The following PRICKLE3 variants were observed in gnomAD, a reference collection of about 807,000 sequenced individuals.
PRICKLE3 encodes the protein prickle planar cell polarity protein 3, also known as LIM domain only protein 6.
Under a neutral mutation model 33.8 loss-of-function variants are expected in PRICKLE3, and 17 were observed. That is an observed-to-expected ratio of 0.50 (90% confidence interval 0.34 to 0.75). The LOEUF is 0.75. PRICKLE3 is among the 30% of genes least tolerant of loss of function. The probability of loss-of-function intolerance (pLI) is 0.01; values close to 1 mark genes in which losing one functional copy is unlikely to be tolerated. For missense variants in PRICKLE3, 573 were observed against 576.7 expected, an observed-to-expected ratio of 0.99 and a Z score of 0.07; for synonymous variants, 211 against 219.6, an observed-to-expected ratio of 0.96 and a Z score of 0.34.
chrX:49,184,648 A>G lies in PRICKLE3; in HGVS notation c.105T>C (p.Pro35=), dbSNP rs782702344. Residue 35 remains proline (P), a synonymous_variant, in exon 2 of 9, where the codon CCT becomes CCC. Coordinates refer to ENST00000599218, the MANE Select transcript of PRICKLE3 (RefSeq NM_006150.5). ...ACCTCCAGCCGTGGAGCAGGAAGCC[A>G]GGGCACTGCTCCCTACAGGAGTTGC... ...QPCNSCREQC[P]GFLLHGWRKI... 22 of 1,115,464 alleles carry G rather than the reference A, an allele frequency of 2.0e-5. No individual in the cohort carries two copies. The highest frequency in any genetic ancestry group is 3.5e-5 in the East Asian group (1 of 28,732). The allele number at this position is 1,115,464 out of a possible 1,213,427, so 91.9% of individuals were successfully genotyped here. A position where few individuals can be genotyped will look rare whatever the true frequency, so the allele number is the denominator to read the frequency against.
intron 1 of PRICKLE3, 58 bp downstream of exon 1, chrX:49,186,198 C>T (rs2065482206): frequency 1.8e-6 from 2 of 1,128,804 alleles, no homozygotes; most frequent in African/African-American, 3.7e-5. Flanking sequence ...ATCCATTGCC[C>T]CCTTGCCTGG....
Position 49,176,245 on chromosome X carries a change from A to G in PRICKLE3, c.1276T>C (p.Ser426Pro). 1 of 1,142,970 alleles carries G rather than the reference A, an allele frequency of 8.7e-7. No individual in the cohort carries two copies. Among genetic ancestry groups the G allele is most frequent in the Non-Finnish European group, 1.2e-6 (1 of 861,618 alleles). 94.2% of individuals were successfully genotyped at this position (1,142,970 alleles called of 1,213,427 possible). A position where few individuals can be genotyped will look rare whatever the true frequency, so the allele number is the denominator to read the frequency against. The stretch of plus-strand genomic sequence containing the variant: ...TGGGGAGCCCCTCTCAGAAAGCGGG[A>G]GGGCTCCTCAGGGCCTGTAGCTGTT... ...LAPATGPEEPSRFLRGAPHRH... is the reference protein window; with the variant it reads ...LAPATGPEEPPRFLRGAPHRH... Residue 426 changes from serine to proline, a missense_variant, in exon 9 of 9, where the codon TCC (serine) becomes CCC (proline). By Grantham distance (74) the Ser-to-Pro change is moderately conservative. Coordinates refer to ENST00000599218, the MANE Select transcript of PRICKLE3 (RefSeq NM_006150.5).
At chrX:49,182,094 T>C (rs1454213766) in intron 3 of PRICKLE3, among the ~76,000 whole-genome samples, 1 of 108,781 alleles carries the variant, frequency 9.2e-6, no homozygotes, top group Non-Finnish European at 1.9e-5. Flanking sequence ...TTACAGACAT[T>C]TGCCACCATG....
chrX:49,181,245 G>A (rs1181801882), intron 3 of PRICKLE3, among the ~76,000 whole-genome samples: 1 of 106,500 alleles, frequency 9.4e-6, no homozygotes, highest in Non-Finnish European at 1.9e-5. Flanking sequence ...ATGCGTGCCT[G>A]TAGTCCCAGC....
chrX:49,177,225 A>G, intron 7 of PRICKLE3, 23 bp from the exon 8 acceptor site: 2 of 1,121,945 alleles, frequency 1.8e-6, no homozygotes, highest in Non-Finnish European at 1.2e-6. Flanking sequence ...ACGAGGGGGA[A>G]AAACTGAGGC....
At position 49,177,033 on chromosome X, in the gene PRICKLE3, T is replaced by C; in HGVS notation, c.1125A>G (p.Pro375=). The C allele has an allele frequency of 8.3e-7, 1 of 1,209,334 alleles. No homozygotes were observed. The highest frequency in any genetic ancestry group is 1.8e-5 in the South Asian group (1 of 56,691). The change falls in exon 8 of 9, where the codon CCA becomes CCG. Residue 375 remains proline (P), a synonymous_variant. Coordinates refer to ENST00000599218, the MANE Select transcript of PRICKLE3 (RefSeq NM_006150.5). ...ACSLGSEPTA[P]GPSRRSWSAG... The stretch of plus-strand genomic sequence containing the variant: ...CACTCCAGCTGCGGCGGCTCGGCCC[T>C]GGAGCTGTGGGCTCGGACCCAAGGC...
intron 3 of PRICKLE3, among the ~76,000 whole-genome samples, chrX:49,183,394 C>CA (rs2065466792): frequency 1.8e-5 from 2 of 111,252 alleles, no homozygotes; most frequent in South Asian, 3.7e-4. Context: ...CCTGTCTCTA[C>CA]AAAAAAATTT....
chrX:49,185,127 C>A (rs781800665), intron 1 of PRICKLE3, among the ~76,000 whole-genome samples: 4 of 111,657 alleles, frequency 3.6e-5, no homozygotes, highest in Non-Finnish European at 7.5e-5. Context: ...CCCTCTCCAT[C>A]TACGCCGCCA....
chrX:49,179,981 C>T lies in PRICKLE3; in HGVS notation c.313-175G>A, dbSNP rs1039853542. ...TCCCTCAGCTCCCAGCTCCCAAACA[C>T]GCTGAGGGTTCCTGCATGTATTGAC... is the stretch of plus-strand genomic sequence containing the variant. On this transcript the variant is annotated intron_variant, in intron 3 of 8. Transcript: ENST00000599218. The T allele has an allele frequency of 1.9e-5, 7 of 363,769 alleles. No homozygotes were observed. In the Admixed American group the frequency reaches 2.1e-4, roughly 11 times the overall value. 30.0% of individuals were successfully genotyped at this position (363,769 alleles called of 1,213,427 possible).
chrX:49,183,524 G>T, intron 3 of PRICKLE3: 1 of 825,094 alleles, frequency 1.2e-6, no homozygotes, highest in Non-Finnish European at 1.7e-6. Flanking sequence ...GGATTGGGGT[G>T]AACAGGCCCT....
chrX:49,181,669 G>A (rs1475358663), intron 3 of PRICKLE3, among the ~76,000 whole-genome samples: 8 of 91,448 alleles, frequency 8.7e-5, no homozygotes, highest in Non-Finnish European at 1.7e-4. Context: ...TTTATTAAAC[G>A]GAATTTTGCT....
chrX:49,176,352 C>T (rs1033338622), intron 8 of PRICKLE3, 87 bp from the exon 9 acceptor site: 1 of 712,770 alleles, frequency 1.4e-6, no homozygotes, highest in Non-Finnish European at 2.0e-6. Flanking sequence ...GGCCTTCTTT[C>T]CTCCACTAAG....
At chrX:49,177,514 T>G (rs1159073869) in intron 7 of PRICKLE3, among the ~76,000 whole-genome samples, 1 of 111,061 alleles carries the variant, frequency 9.0e-6, no homozygotes, top group Non-Finnish European at 1.9e-5. Flanking sequence ...TGGCTCCAAG[T>G]GGAAGGAGAA....
chrX:49,176,678 T>C (rs73209775), intron 8 of PRICKLE3, among the ~76,000 whole-genome samples: 44 of 108,386 alleles, frequency 4.1e-4, no homozygotes, highest in Non-Finnish European at 7.5e-4. Context: ...ACCAGCCCTG[T>C]ATTGACAGGG....
intron 2 of PRICKLE3, among the ~76,000 whole-genome samples, chrX:49,184,394 C>T (rs933483284): frequency 4.5e-5 from 5 of 111,430 alleles, no homozygotes; most frequent in Non-Finnish European, 9.4e-5. Flanking sequence ...TCCGCGGCTA[C>T]GGGAGAACAC....
intron 1 of PRICKLE3, 96 bp downstream of exon 1, chrX:49,186,160 C>A: frequency 1.0e-6 from 1 of 999,916 alleles, no homozygotes. Flanking sequence ...TTCCCAGATC[C>A]TCTGTGGGGC....
chrX:49,177,130 C>T lies in PRICKLE3; in HGVS notation c.1028G>A (p.Arg343His), dbSNP rs1557100237. ...HASDRCFCCS[R>H]CGRALLGRPF... Reference sequence around the variant, plus strand: ...GCGGCCCAGCAGGGCCCGCCCACAGCGACTACAGCAGAAGCAGCGGTCTGA... The same window carrying T: ...GCGGCCCAGCAGGGCCCGCCCACAGTGACTACAGCAGAAGCAGCGGTCTGA... Residue 343 changes from arginine to histidine, a missense_variant, in exon 8 of 9, where the codon CGC (arginine) becomes CAC (histidine). Coordinates refer to ENST00000599218, the MANE Select transcript of PRICKLE3 (RefSeq NM_006150.5). 4 of 1,201,084 alleles carry T rather than the reference C, an allele frequency of 3.3e-6. No homozygotes were observed. Among genetic ancestry groups the T allele is most frequent in the African/African-American group, 1.7e-5 (1 of 57,576 alleles).
In PRICKLE3 at chrX:49,180,822, C is replaced by T. The variant is rs191182624; in HGVS notation, c.313-1016G>A. Among the ~76,000 whole-genome samples the T allele has an allele frequency of 2.5e-3, 275 of 111,427 alleles. 8 individuals are homozygous for T. The East Asian group carries it at 0.065, about 26-fold the overall frequency. ...TCTACTTGGCTGGCTAATGTGTCAC[C>T]TCCAGCCTGTGACACATAATGACAA... is the stretch of plus-strand genomic sequence containing the variant. On this transcript the variant is annotated intron_variant, in intron 3 of 8. Transcript: ENST00000599218.
At chrX:49,179,462 C>A (rs1474399554) in intron 4 of PRICKLE3, 74 bp from the exon 5 acceptor site, 2 of 1,164,031 alleles carry the variant, frequency 1.7e-6, no homozygotes, top group South Asian at 3.8e-5. Flanking sequence ...TTCATCCATG[C>A]CCCGAAAGTT....
Sources: allele counts gnomAD v4.1 joint callset (sites outside exome capture counted in the v4.1 genomes callset), GRCh38; gene constraint gnomAD v4.1.1; transcripts MANE v1.5; gene names NCBI Gene and HGNC (gene_info 2026-07-23, HGNC 2026-07-21).